Variants in OXR1 observed in about 807,000 individuals in gnomAD.
The protein encoded by OXR1 is oxidation resistance protein 1.
In OXR1, 41 loss-of-function variants were observed where a neutral mutation model predicts 104.6. The observed-to-expected ratio is 0.39, with a 90% confidence interval of 0.31 to 0.51. The LOEUF (loss-of-function observed/expected upper bound fraction) is 0.51. Ranked by LOEUF, OXR1 falls within the 20% of genes least tolerant of loss-of-function variation. OXR1 has a pLI of 0.77. For missense variants in OXR1, 955 were observed against 1,031.9 expected (o/e 0.93, Z 1.02); for synonymous variants, 348 against 348.4 (o/e 1.00, Z 0.01).
intron 3 of OXR1, among the ~76,000 whole-genome samples, chr8:106,591,348 G>A (rs1350369865): frequency 3.4e-5 from 5 of 148,008 alleles, no homozygotes; most frequent in Non-Finnish European, 6.0e-5. Context: ...AATGCTAAAT[G>A]ACGAGTTAAT....
intron 3 of OXR1, among the ~76,000 whole-genome samples, chr8:106,567,496 T>C (rs1817167775): frequency 6.6e-6 from 1 of 151,892 alleles, no homozygotes; most frequent in South Asian, 2.1e-4. Context: ...CTCATCTGTT[T>C]ACATTTTTTT....
At chr8:106,309,238 T>G (rs1813596694) in intron 1 of OXR1, among the ~76,000 whole-genome samples, 1 of 152,212 alleles carries the variant, frequency 6.6e-6, no homozygotes, top group South Asian at 2.1e-4. Context: ...TGCTTCAGCC[T>G]CCCATAGTAT....
At chr8:106,624,613 G>A (rs1214914354) in intron 3 of OXR1, among the ~76,000 whole-genome samples, 1 of 152,064 alleles carries the variant, frequency 6.6e-6, no homozygotes, top group African/African-American at 2.4e-5. Context: ...ACTGACCTTC[G>A]TTTACATCTA....
intron 11 of OXR1, among the ~76,000 whole-genome samples, chr8:106,736,864 TG>T (rs1435303584): frequency 6.6e-6 from 1 of 151,632 alleles, no homozygotes; most frequent in Non-Finnish European, 1.5e-5. Context: ...AGGCAAAAAG[TG>T]GAAAAAAAAA....
At chr8:106,587,840 TGG>T (rs1458569275) in intron 3 of OXR1, among the ~76,000 whole-genome samples, 1 of 152,148 alleles carries the variant, frequency 6.6e-6, no homozygotes, top group East Asian at 1.9e-4. Flanking sequence ...GAAAAGAAAA[TGG>T]TACTAGGATG....
chr8:106,309,715 A>G (rs960658011), intron 1 of OXR1, among the ~76,000 whole-genome samples: 2 of 151,418 alleles, frequency 1.3e-5, no homozygotes, highest in East Asian at 3.9e-4. Flanking sequence ...AATTTTAGTC[A>G]TCTTTGGACA....
At chr8:106,440,643 AT>A (rs1177761698) in intron 2 of OXR1, among the ~76,000 whole-genome samples, 1 of 151,898 alleles carries the variant, frequency 6.6e-6, no homozygotes, top group Non-Finnish European at 1.5e-5. Flanking sequence ...TTCCACTCTC[AT>A]TTTTTCTTTT....
At chr8:106,659,719 G>A (rs1348743726) in intron 3 of OXR1, among the ~76,000 whole-genome samples, 1 of 152,188 alleles carries the variant, frequency 6.6e-6, no homozygotes, top group Admixed American at 6.5e-5. Flanking sequence ...GATTCATTCG[G>A]TGGCCCGTGT....
At chr8:106,289,463 G>A (rs903014803) in intron 1 of OXR1, among the ~76,000 whole-genome samples, 4 of 152,260 alleles carry the variant, frequency 2.6e-5, no homozygotes, top group South Asian at 4.1e-4. Context: ...CAAGGAGGTG[G>A]AAGACTTCTG....
intron 16 of OXR1, among the ~76,000 whole-genome samples, chr8:106,748,304 G>A (rs533699368): frequency 2.6e-5 from 4 of 152,216 alleles, no homozygotes; most frequent in South Asian, 2.1e-4. Flanking sequence ...TTTTGGGGAC[G>A]ATATAGTTTT....
chr8:106,604,447 G>A (rs1361516497), intron 3 of OXR1, among the ~76,000 whole-genome samples: 2 of 152,026 alleles, frequency 1.3e-5, no homozygotes, highest in African/African-American at 2.4e-5. Flanking sequence ...TGAGCCACCC[G>A]TATACAGTAT....
At chr8:106,289,142 C>T (rs1002796130) in intron 1 of OXR1, among the ~76,000 whole-genome samples, 4 of 152,280 alleles carry the variant, frequency 2.6e-5, no homozygotes, top group South Asian at 2.1e-4. Flanking sequence ...CTAACCACTC[C>T]TATTCAACCT....
intron 1 of OXR1, among the ~76,000 whole-genome samples, chr8:106,320,796 C>T (rs575214679): frequency 2.3e-4 from 35 of 152,140 alleles, no homozygotes; most frequent in African/African-American, 7.0e-4. Flanking sequence ...CTCAGCCTCC[C>T]GAGTTCCTGG....
chr8:106,542,924 C>G (rs1815069142), intron 3 of OXR1, among the ~76,000 whole-genome samples: 1 of 152,150 alleles, frequency 6.6e-6, no homozygotes, highest in South Asian at 2.1e-4. Context: ...ACGATTGCCC[C>G]CAAAGAGTTG....
intron 1 of OXR1, among the ~76,000 whole-genome samples, chr8:106,337,505 T>C (rs1022275632): frequency 3.3e-5 from 5 of 152,072 alleles, no homozygotes; most frequent in Admixed American, 6.5e-5. Flanking sequence ...ATCACACAAC[T>C]TACTGACACC....
chr8:106,270,710 C>T (rs1811760946), intron 1 of OXR1, among the ~76,000 whole-genome samples: 1 of 151,966 alleles, frequency 6.6e-6, no homozygotes. Context: ...CGGCCAGGGA[C>T]AGCCGCAGAA....
At chr8:106,385,014 C>G (rs1817314684) in intron 2 of OXR1, among the ~76,000 whole-genome samples, 1 of 152,100 alleles carries the variant, frequency 6.6e-6, no homozygotes, top group South Asian at 2.1e-4. Context: ...TGCTCCTGGC[C>G]TGTCTTAAAA....
intron 2 of OXR1, among the ~76,000 whole-genome samples, chr8:106,510,418 T>C (rs1812447109): frequency 6.6e-6 from 1 of 152,192 alleles, no homozygotes; most frequent in Non-Finnish European, 1.5e-5. Context: ...TTCTCTGAAC[T>C]GATGCAAGAA....
intron 2 of OXR1, among the ~76,000 whole-genome samples, chr8:106,432,377 C>T (rs906391680): frequency 2.6e-5 from 4 of 152,172 alleles, no homozygotes; most frequent in African/African-American, 9.6e-5. Flanking sequence ...TCATCCAATG[C>T]TGCAGTGCCA....
Sources: allele counts gnomAD v4.1 joint callset (sites outside exome capture counted in the v4.1 genomes callset), GRCh38; gene constraint gnomAD v4.1.1; transcripts MANE v1.5; gene names NCBI Gene and HGNC (gene_info 2026-07-23, HGNC 2026-07-21).